The following PRTFDC1 variants were observed in gnomAD, a reference collection of about 807,000 sequenced individuals.
PRTFDC1 encodes phosphoribosyl transferase domain containing 1, also known as phosphoribosyltransferase domain-containing protein 1.
Under a neutral mutation model 34.6 loss-of-function variants are expected in PRTFDC1, and 38 were observed. The ratio of observed to expected loss-of-function variants is 1.10; its 90% CI spans 0.85 to 1.44. PRTFDC1 has a LOEUF of 1.44. PRTFDC1 is among the 40% of genes most tolerant of loss of function. PRTFDC1 has a pLI of 0.00. For synonymous variants in PRTFDC1, 93 were observed against 98.1 expected (o/e 0.95, Z 0.31); for missense variants, 270 against 283.0 (o/e 0.95, Z 0.33).
chr10:24,933,635 G>T (rs766081417), intron 3 of PRTFDC1, among the ~76,000 whole-genome samples: 72 of 151,152 alleles, frequency 4.8e-4, no homozygotes, highest in Middle Eastern at 3.5e-3. Flanking sequence ...AACAGGAACT[G>T]TCACATATGC....
intron 1 of PRTFDC1, among the ~76,000 whole-genome samples, chr10:24,944,478 T>C (rs955143830): frequency 2.0e-5 from 3 of 152,128 alleles, no homozygotes; most frequent in Non-Finnish European, 2.9e-5. Context: ...GAAGCGGGCA[T>C]GCTCCTTTAA....
Position 24,895,754 on chromosome 10 carries a change from C to T in PRTFDC1, c.340-23691G>A, listed in dbSNP as rs367940097. Among the ~76,000 whole-genome samples the T allele has an allele frequency of 2.9e-3, 419 of 142,100 alleles. 5 individuals are homozygous for T. The highest frequency in any genetic ancestry group is 0.01 in the African/African-American group (405 of 38,600). 93.2% of individuals were successfully genotyped at this position (142,100 alleles called of 152,430 possible). ...CTGTAAATACATACACATGCATACA[C>T]ACATTCTCTATCCATATATCTAGAG... On this transcript the variant is annotated intron_variant, in intron 3 of 8. Coordinates refer to ENST00000320152, the MANE Select transcript of PRTFDC1 (RefSeq NM_020200.7).
At chr10:24,903,053 C>G (rs905269172) in intron 3 of PRTFDC1, among the ~76,000 whole-genome samples, 11 of 152,104 alleles carry the variant, frequency 7.2e-5, no homozygotes, top group South Asian at 2.1e-4. Context: ...AAAAAATTAG[C>G]TGGGTGTGGT....
intron 3 of PRTFDC1, among the ~76,000 whole-genome samples, chr10:24,929,844 C>T (rs186052985): frequency 6.6e-6 from 1 of 152,296 alleles, no homozygotes; most frequent in East Asian, 1.9e-4. Flanking sequence ...CCTGTTTTTC[C>T]ACTCAAAGTC....
In PRTFDC1 at chr10:24,921,093, T is replaced by TA. The variant is rs59824439; in HGVS notation, c.339+16090dup. On this transcript the variant is annotated intron_variant, in intron 3 of 8. Transcript: ENST00000320152. ...CTACAACACAGCGGTTACAAGTGATTAAAAAAAAAACAAAAAAACAAAAAA... is the reference window on the plus strand; with the variant it reads ...CTACAACACAGCGGTTACAAGTGATTAAAAAAAAAAACAAAAAAACAAAAAA... Among the ~76,000 whole-genome samples, 86 of 147,930 alleles carry TA rather than the reference T, an allele frequency of 5.8e-4. No individual in the cohort carries two copies. The South Asian group carries it at 8.6e-3, about 15-fold the overall frequency.
chr10:24,890,943 G>A (rs1054241787), intron 3 of PRTFDC1, among the ~76,000 whole-genome samples: 3 of 152,188 alleles, frequency 2.0e-5, no homozygotes, highest in African/African-American at 4.8e-5. Context: ...AGGGATTGGC[G>A]GAGGAGGTGG....
intron 4 of PRTFDC1, among the ~76,000 whole-genome samples, chr10:24,866,360 CAA>C (rs372329425): frequency 4.8e-4 from 25 of 51,796 alleles, no homozygotes; most frequent in Admixed American, 3.7e-3. Flanking sequence ...GATTCTGCCT[CAA>C]AAAAAAAAAA....
At chr10:24,922,732 C>A (rs986405314) in intron 3 of PRTFDC1, among the ~76,000 whole-genome samples, 4 of 152,198 alleles carry the variant, frequency 2.6e-5, no homozygotes, top group African/African-American at 4.8e-5. Flanking sequence ...ATGATTGATG[C>A]AGAAGATGGG....
At chr10:24,883,274 T>C (rs186085965) in intron 3 of PRTFDC1, among the ~76,000 whole-genome samples, 3 of 152,222 alleles carry the variant, frequency 2.0e-5, no homozygotes, top group African/African-American at 7.2e-5. Flanking sequence ...TGGCTTTCTG[T>C]TTAATGACAA....
intron 3 of PRTFDC1, among the ~76,000 whole-genome samples, chr10:24,914,190 G>T (rs1848663516): frequency 6.6e-6 from 1 of 152,130 alleles, no homozygotes; most frequent in Non-Finnish European, 1.5e-5. Context: ...ATAGCCACAA[G>T]TAAACATTGT....
chr10:24,924,006 G>A (rs916909211), intron 3 of PRTFDC1, among the ~76,000 whole-genome samples: 1 of 152,158 alleles, frequency 6.6e-6, no homozygotes, highest in African/African-American at 2.4e-5. Flanking sequence ...CGTGACGCAT[G>A]CACAAGCTTC....
chr10:24,892,617 G>A (rs1484346973), intron 3 of PRTFDC1, among the ~76,000 whole-genome samples: 2 of 151,954 alleles, frequency 1.3e-5, no homozygotes, highest in African/African-American at 4.8e-5. Context: ...AGGCCAAGTA[G>A]GTGACACAGT....
intron 3 of PRTFDC1, chr10:24,908,858 C>T: frequency 9.7e-7 from 1 of 1,033,484 alleles, no homozygotes; most frequent in African/African-American, 1.6e-5. Context: ...TCAAGAAAAC[C>T]AGAAGACCTC....
At chr10:24,919,936 C>A (rs1445191868) in intron 3 of PRTFDC1, among the ~76,000 whole-genome samples, 1 of 151,992 alleles carries the variant, frequency 6.6e-6, no homozygotes, top group Non-Finnish European at 1.5e-5. Flanking sequence ...CCATCTCATG[C>A]CAGTCAGAAT....
At chr10:24,931,164 G>A (rs1424654551) in intron 3 of PRTFDC1, among the ~76,000 whole-genome samples, 2 of 152,044 alleles carry the variant, frequency 1.3e-5, no homozygotes, top group East Asian at 3.9e-4. Flanking sequence ...AGTGAAAGAG[G>A]AAATTAGAAA....
intron 5 of PRTFDC1, among the ~76,000 whole-genome samples, chr10:24,857,231 T>G (rs1847594820): frequency 6.6e-6 from 1 of 152,164 alleles, no homozygotes; most frequent in African/African-American, 2.4e-5. Flanking sequence ...TTAGCTGTGT[T>G]GAAGGGCCAA....
intron 1 of PRTFDC1, among the ~76,000 whole-genome samples, chr10:24,947,771 C>T (rs995141441): frequency 7.9e-5 from 12 of 152,120 alleles, no homozygotes; most frequent in African/African-American, 2.4e-4. Flanking sequence ...TAGCTCTCAT[C>T]TGTCCTCCAC....
chr10:24,920,477 A>G (rs937401060), intron 3 of PRTFDC1, among the ~76,000 whole-genome samples: 18 of 152,164 alleles, frequency 1.2e-4, no homozygotes, highest in African/African-American at 4.3e-4. Flanking sequence ...GTGGGAGCTG[A>G]ACAATGAGAA....
chr10:24,907,447 T>C (rs974924723), intron 3 of PRTFDC1, among the ~76,000 whole-genome samples: 1 of 152,032 alleles, frequency 6.6e-6, no homozygotes, highest in East Asian at 1.9e-4. Context: ...AATATAAAAA[T>C]TAGCTGGGTG....
Sources: gnomAD v4.1 joint callset for allele counts (sites outside exome capture counted in the v4.1 genomes callset) on GRCh38, gnomAD v4.1.1 for gene constraint, MANE v1.5 for transcripts, NCBI Gene and HGNC (gene_info 2026-07-23, HGNC 2026-07-21) for gene names.